Variants in OGDH observed in about 807,000 individuals in gnomAD.
OGDH encodes the protein oxoglutarate dehydrogenase.
In OGDH, 38 loss-of-function variants were observed where a neutral mutation model predicts 116.6. That is an observed-to-expected ratio of 0.33 (90% CI 0.25 to 0.43). The LOEUF is 0.43. Among genes scored for constraint, OGDH ranks in the 20% least tolerant of loss-of-function variants. OGDH has a pLI of 1.00. For synonymous variants in OGDH, 488 were observed against 533.3 expected, an observed-to-expected ratio of 0.92 and a Z score of 1.17; for missense variants, 825 against 1,357.2, an observed-to-expected ratio of 0.61 and a Z score of 6.16.
intron 2 of OGDH, among the ~76,000 whole-genome samples, chr7:44,631,483 T>C (rs759308853): frequency 6.6e-6 from 1 of 152,250 alleles, no homozygotes; most frequent in Non-Finnish European, 1.5e-5. Context: ...TAACTTCACA[T>C]GTTAAGAGCA....
At chr7:44,687,770 G>A (rs1439921445) in intron 10 of OGDH, among the ~76,000 whole-genome samples, 2 of 152,026 alleles carry the variant, frequency 1.3e-5, no homozygotes, top group African/African-American at 4.8e-5. Flanking sequence ...ATTAAATGTA[G>A]TTCACTTATC....
chr7:44,702,632 G>A (rs557949560), intron 20 of OGDH, among the ~76,000 whole-genome samples: 109 of 151,286 alleles, frequency 7.2e-4, no homozygotes, highest in African/African-American at 2.2e-3. Flanking sequence ...TCGCTCTATC[G>A]CTCAGGCTGG....
chr7:44,611,120 G>A (rs1410109314), intron 1 of OGDH, among the ~76,000 whole-genome samples: 1 of 147,712 alleles, frequency 6.8e-6, no homozygotes, highest in East Asian at 2.0e-4. Context: ...TGTCACCCCA[G>A]GCTGGAGTGC....
intron 10 of OGDH, among the ~76,000 whole-genome samples, chr7:44,682,945 G>A (rs536448004): frequency 6.1e-4 from 93 of 152,032 alleles, no homozygotes; most frequent in Non-Finnish European, 9.1e-4. Context: ...TCAAGAGATC[G>A]AGACCATCCT....
intron 4 of OGDH, among the ~76,000 whole-genome samples, chr7:44,654,720 G>A (rs529606082): frequency 1.3e-5 from 2 of 152,256 alleles, no homozygotes; most frequent in South Asian, 2.1e-4. Flanking sequence ...AGCTGGCCAA[G>A]CAGACATCTG....
chr7:44,638,122 T>A (rs1377254953), intron 2 of OGDH, among the ~76,000 whole-genome samples: 1 of 152,216 alleles, frequency 6.6e-6, no homozygotes, highest in East Asian at 1.9e-4. Context: ...GAGAATTAAC[T>A]GTGTGTAACT....
chr7:44,646,259 C>T (rs995203246), intron 3 of OGDH, among the ~76,000 whole-genome samples: 2 of 152,212 alleles, frequency 1.3e-5, no homozygotes, highest in Non-Finnish European at 2.9e-5. Context: ...CTCCCATGGG[C>T]ATCCAGGACC....
chr7:44,674,729 C>G, intron 7 of OGDH, 172 bp downstream of exon 7: 2 of 705,546 alleles, frequency 2.8e-6, no homozygotes, highest in South Asian at 3.8e-5. Flanking sequence ...CTCACATTGC[C>G]TGCCTCTGGA....
At chr7:44,643,411 G>A (rs1157268776) in intron 2 of OGDH, among the ~76,000 whole-genome samples, 2 of 152,044 alleles carry the variant, frequency 1.3e-5, no homozygotes, top group African/African-American at 4.8e-5. Flanking sequence ...AAAAGAAAAA[G>A]GGAAGGAAAA....
intron 2 of OGDH, among the ~76,000 whole-genome samples, chr7:44,632,391 TCCACTCCCCCG>T (rs1297019824): frequency 3.9e-5 from 6 of 152,120 alleles, no homozygotes; most frequent in Admixed American, 6.5e-5. Flanking sequence ...GCTCAAGTAA[TCCACTCCCCCG>T]CCACTCCCCC....
At chr7:44,688,319 C>T (rs1030900715) in intron 10 of OGDH, among the ~76,000 whole-genome samples, 6 of 151,540 alleles carry the variant, frequency 4.0e-5, no homozygotes, top group African/African-American at 1.2e-4. Flanking sequence ...TGCGGTGAGC[C>T]GAGATCACGC....
chr7:44,703,551 C>T (rs1043763631), intron 20 of OGDH, among the ~76,000 whole-genome samples: 1 of 151,920 alleles, frequency 6.6e-6, no homozygotes, highest in Non-Finnish European at 1.5e-5. Context: ...GAAACCCCAT[C>T]TCTACGAAAA....
chr7:44,672,792 G>A (rs1050459889), intron 5 of OGDH, among the ~76,000 whole-genome samples: 3 of 152,018 alleles, frequency 2.0e-5, no homozygotes, highest in Non-Finnish European at 4.4e-5. Flanking sequence ...ACAGGCACAT[G>A]CCACCATACC....
At chr7:44,642,897 G>A (rs1248249281) in intron 2 of OGDH, among the ~76,000 whole-genome samples, 1 of 151,412 alleles carries the variant, frequency 6.6e-6, no homozygotes, top group Admixed American at 6.6e-5. Flanking sequence ...ACTCCAGCCT[G>A]GGCAACAGAG....
intron 1 of OGDH, among the ~76,000 whole-genome samples, chr7:44,613,709 C>T (rs575485835): frequency 3.3e-5 from 5 of 150,758 alleles, no homozygotes; most frequent in African/African-American, 4.9e-5. Flanking sequence ...TTGGCCAGGC[C>T]GTTCTCAAAC....
chr7:44,649,652 C>T (rs886909125), intron 4 of OGDH, among the ~76,000 whole-genome samples: 2 of 152,152 alleles, frequency 1.3e-5, no homozygotes, highest in African/African-American at 4.8e-5. Context: ...ACCAGGGGAG[C>T]TCTAAAGCTC....
chr7:44,642,395 G>T (rs1048487036), intron 2 of OGDH, among the ~76,000 whole-genome samples: 1 of 152,158 alleles, frequency 6.6e-6, no homozygotes, highest in African/African-American at 2.4e-5. Context: ...GTCTACTCCA[G>T]CCTGGGCAGC....
At chr7:44,614,523 C>T (rs887456545) in intron 1 of OGDH, among the ~76,000 whole-genome samples, 17 of 152,028 alleles carry the variant, frequency 1.1e-4, no homozygotes, top group African/African-American at 3.4e-4. Context: ...TGTTATTTCC[C>T]TGAGGCCTTG....
At chr7:44,610,162 C>T (rs1262634514) in intron 1 of OGDH, among the ~76,000 whole-genome samples, 6 of 152,018 alleles carry the variant, frequency 3.9e-5, no homozygotes, top group Non-Finnish European at 7.4e-5. Flanking sequence ...TTGTTCATTT[C>T]GTAATTAGAT....
Sources: allele counts gnomAD v4.1 joint callset (sites outside exome capture counted in the v4.1 genomes callset), GRCh38; gene constraint gnomAD v4.1.1; transcripts MANE v1.5; gene names NCBI Gene and HGNC (gene_info 2026-07-23, HGNC 2026-07-21).